Variants in CDH4 observed in about 807,000 individuals in gnomAD.
CDH4 encodes cadherin 4.
A neutral mutation model predicts 86.0 loss-of-function variants in CDH4; 33 were observed. The ratio of observed to expected loss-of-function variants is 0.38; its 90% confidence interval spans 0.29 to 0.51. CDH4 has a LOEUF of 0.51. Among genes scored for constraint, CDH4 ranks in the 20% least tolerant of loss-of-function variants. The pLI is 0.86. For synonymous variants in CDH4, 555 were observed against 549.4 expected, an observed-to-expected ratio of 1.01 and a Z score of -0.14; for missense variants, 1,114 against 1,307.4, an observed-to-expected ratio of 0.85 and a Z score of 2.28.
chr20:61,874,874 G>A (rs560462261), intron 7 of CDH4, among the ~76,000 whole-genome samples: 74 of 152,350 alleles, frequency 4.9e-4, no homozygotes, highest in African/African-American at 1.0e-3. Flanking sequence ...CCCTGCCCGC[G>A]GGAGGCTTGT....
chr20:61,553,909 G>T (rs1392287224), intron 2 of CDH4, among the ~76,000 whole-genome samples: 1 of 152,166 alleles, frequency 6.6e-6, no homozygotes, highest in Non-Finnish European at 1.5e-5. Flanking sequence ...TGAGCTTCAA[G>T]GTGAGCCTCA....
At chr20:61,904,978 C>T (rs975428722) in intron 8 of CDH4, among the ~76,000 whole-genome samples, 1 of 152,216 alleles carries the variant, frequency 6.6e-6, no homozygotes, top group African/African-American at 2.4e-5. Context: ...TGACCTTCCC[C>T]TGAGAAGCTC....
At chr20:61,608,440 C>T (rs2086660924) in intron 2 of CDH4, among the ~76,000 whole-genome samples, 1 of 152,204 alleles carries the variant, frequency 6.6e-6, no homozygotes, top group African/African-American at 2.4e-5. Context: ...CAGCACGTGT[C>T]CAGCAGCACC....
chr20:61,381,942 G>GGT (rs201224120), intron 2 of CDH4, among the ~76,000 whole-genome samples: 36,451 of 151,146 alleles, frequency 0.24, 4,799 homozygotes, highest in African/African-American at 0.34. Flanking sequence ...CAGGCATGGT[G>GGT]GCAGGCACCT....
At chr20:61,882,316 G>A (rs971350032) in intron 7 of CDH4, among the ~76,000 whole-genome samples, 1 of 152,268 alleles carries the variant, frequency 6.6e-6, no homozygotes, top group Non-Finnish European at 1.5e-5. Context: ...AAGGAGCGGG[G>A]ATTTCATCTG....
At chr20:61,866,684 G>A (rs1035369256) in intron 6 of CDH4, among the ~76,000 whole-genome samples, 1 of 152,242 alleles carries the variant, frequency 6.6e-6, no homozygotes, top group Non-Finnish European at 1.5e-5. Context: ...TTGGGTGTGA[G>A]ACGGTCAGTG....
At chr20:61,891,740 C>T (rs1380426067) in intron 7 of CDH4, among the ~76,000 whole-genome samples, 1 of 152,166 alleles carries the variant, frequency 6.6e-6, no homozygotes, top group African/African-American at 2.4e-5. Context: ...TGTGGAACAC[C>T]CCAGACCCTG....
At chr20:61,542,798 G>C (rs2145658010) in intron 2 of CDH4, among the ~76,000 whole-genome samples, 1 of 152,320 alleles carries the variant, frequency 6.6e-6, no homozygotes, top group South Asian at 2.1e-4. Flanking sequence ...AATCTATGAA[G>C]GGGAGTTTAT....
intron 2 of CDH4, among the ~76,000 whole-genome samples, chr20:61,295,651 T>G (rs965731247): frequency 1.3e-5 from 2 of 152,160 alleles, no homozygotes; most frequent in Non-Finnish European, 2.9e-5. Context: ...ACAGAGGTTG[T>G]AGAATGTGGC....
chr20:61,693,236 T>TG (rs955005804), intron 2 of CDH4, among the ~76,000 whole-genome samples: 153 of 152,264 alleles, frequency 1.0e-3, no homozygotes, highest in African/African-American at 3.6e-3. Context: ...TTTCCTGTGA[T>TG]GAAGGCCAGT....
At chr20:61,892,868 G>A (rs1225381331) in intron 7 of CDH4, among the ~76,000 whole-genome samples, 1 of 152,024 alleles carries the variant, frequency 6.6e-6, no homozygotes, top group Non-Finnish European at 1.5e-5. Flanking sequence ...GAGGGAAGGA[G>A]GAAGGAATAG....
chr20:61,795,413 T>C (rs887330914), intron 4 of CDH4, among the ~76,000 whole-genome samples: 8 of 151,806 alleles, frequency 5.3e-5, no homozygotes, highest in African/African-American at 1.7e-4. Context: ...GCCTCTGCCT[T>C]TAAGGAGCCC....
chr20:61,817,839 C>T (rs1326649724), intron 4 of CDH4, among the ~76,000 whole-genome samples: 1 of 152,220 alleles, frequency 6.6e-6, no homozygotes, highest in African/African-American at 2.4e-5. Context: ...CTGCGAATGC[C>T]TGGGTTGTCT....
intron 2 of CDH4, among the ~76,000 whole-genome samples, chr20:61,640,505 G>A (rs1032438801): frequency 6.6e-6 from 1 of 152,188 alleles, no homozygotes; most frequent in African/African-American, 2.4e-5. Context: ...CAGGGGGATT[G>A]GAGGAGGGTT....
chr20:61,291,184 T>C (rs1317062601), intron 2 of CDH4, among the ~76,000 whole-genome samples: 1 of 152,200 alleles, frequency 6.6e-6, no homozygotes, highest in Admixed American at 6.5e-5. Flanking sequence ...CTGGCCTGAC[T>C]CACACCTTGT....
intron 2 of CDH4, among the ~76,000 whole-genome samples, chr20:61,285,424 C>T (rs571402889): frequency 3.3e-5 from 5 of 152,244 alleles, no homozygotes; most frequent in Admixed American, 6.5e-5. Context: ...AGGACGGGTC[C>T]GAGGCCGTGG....
At position 61,852,995 on chromosome 20, in the gene CDH4, C is replaced by G. The variant is rs750502799; in HGVS notation, c.877+97C>G. 9.2e-6 allele frequency: 12 copies of G among 1,300,386 alleles called. No individual in the cohort carries two copies. In the African/African-American group the frequency reaches 1.6e-4, roughly 18 times the overall value. The allele number at this position is 1,300,386 out of a possible 1,614,324, so 80.6% of individuals were successfully genotyped here. A position where few individuals can be genotyped will look rare whatever the true frequency, so the allele number is the denominator to read the frequency against. ...GGGAGGGCTGCTTAGTCCCCGCTAC[C>G]AGGATGGTGCCACGGGACTTGGGCG... On this transcript the variant is annotated intron_variant, in intron 6 of 15. Coordinates refer to ENST00000614565, the MANE Select transcript of CDH4 (RefSeq NM_001794.5).
chr20:61,771,692 CA>C (rs2088778035), intron 3 of CDH4, among the ~76,000 whole-genome samples: 1 of 151,604 alleles, frequency 6.6e-6, no homozygotes, highest in Admixed American at 6.6e-5. Context: ...GCTATTTCTC[CA>C]CTTACTAATA....
At chr20:61,646,526 C>G (rs4344986) in intron 2 of CDH4, among the ~76,000 whole-genome samples, 2 of 152,156 alleles carry the variant, frequency 1.3e-5, no homozygotes, top group South Asian at 2.1e-4. Context: ...CCGTTCACCC[C>G]CTCTGGGCCT....
Sources: allele counts gnomAD v4.1 joint callset (sites outside exome capture counted in the v4.1 genomes callset), GRCh38; gene constraint gnomAD v4.1.1; transcripts MANE v1.5; gene names NCBI Gene and HGNC (gene_info 2026-07-23, HGNC 2026-07-21).